Variants in PDE6C observed in about 807,000 individuals in gnomAD.
PDE6C encodes phosphodiesterase 6C, also known as cone cGMP-specific 3',5'-cyclic phosphodiesterase subunit alpha'.
Under a neutral mutation model 113.1 loss-of-function variants are expected in PDE6C, and 75 were observed. The observed-to-expected ratio is 0.66, with a 90% CI of 0.55 to 0.80. The LOEUF is 0.80. PDE6C is among the 30% of genes least tolerant of loss of function. The pLI is 0.00. For synonymous variants in PDE6C, 375 were observed against 363.7 expected (o/e 1.03, Z -0.35); for missense variants, 912 against 1,038.6 (o/e 0.88, Z 1.67).
chr10:93,612,655 T>G lies in PDE6C; in HGVS notation c.-71T>G. On this transcript the variant is annotated 5_prime_UTR_variant, in exon 1 of 22. Transcript: ENST00000371447. ...ATTTCCACCAGGATGAATTTCCTTCTCATCACTCTGCCTCAGGTAGTGCTC... is the reference window on the plus strand; with the variant it reads ...ATTTCCACCAGGATGAATTTCCTTCGCATCACTCTGCCTCAGGTAGTGCTC... 6.2e-7 allele frequency: 1 copy of G among 1,605,880 alleles called. No homozygotes were observed. The highest frequency in any genetic ancestry group is 8.5e-7 in the Non-Finnish European group (1 of 1,175,794).
chr10:93,634,934 G>A (rs2058520760), intron 9 of PDE6C, 27 bp downstream of exon 9: 1 of 1,611,856 alleles, frequency 6.2e-7, no homozygotes, highest in African/African-American at 1.3e-5. Context: ...GATAATGGAA[G>A]TCAATGCAAT....
At chr10:93,639,094 G>C (rs1321855929) in intron 11 of PDE6C, among the ~76,000 whole-genome samples, 2 of 152,146 alleles carry the variant, frequency 1.3e-5, no homozygotes, top group Non-Finnish European at 2.9e-5. Flanking sequence ...CTGCAGATCT[G>C]TCTGGTAGGC....
Position 93,655,916 on chromosome 10 carries a change from C to T in PDE6C, c.2036+56C>T, listed in dbSNP as rs894821311. 4.5e-6 allele frequency: 4 copies of T among 888,020 alleles called. No individual in the cohort carries two copies. In the African/African-American group the frequency reaches 6.6e-5, roughly 15 times the overall value. 55.0% of individuals were successfully genotyped at this position (888,020 alleles called of 1,614,324 possible). A position where few individuals can be genotyped will look rare whatever the true frequency, so the allele number is the denominator to read the frequency against. ...CCTATACTCTGTGTGGTTTTACCTT[C>T]CATAAATTATCTGTTGCATTAATGT... is the stretch of plus-strand genomic sequence containing the variant. On this transcript the variant is annotated intron_variant, in intron 16 of 21. Coordinates refer to ENST00000371447, the MANE Select transcript of PDE6C (RefSeq NM_006204.4).
chr10:93,654,772 T>C (rs553128427), intron 15 of PDE6C, among the ~76,000 whole-genome samples: 8 of 49,852 alleles, frequency 1.6e-4, no homozygotes, highest in African/African-American at 4.7e-4. Flanking sequence ...CTTTCTTTCT[T>C]TCTTTCTTTC....
At chr10:93,658,169 C>CAAAAAAAAAAAAAAAAAAAAAA (rs71031527) in intron 16 of PDE6C, among the ~76,000 whole-genome samples, 13 of 59,872 alleles carry the variant, frequency 2.2e-4, no homozygotes, top group East Asian at 4.2e-4. Flanking sequence ...GATTCTGTCT[C>CAAAAAAAAAAAAAAAAAAAAAA]AAAAAAAAAA....
intron 7 of PDE6C, 22 bp downstream of exon 7, chr10:93,626,893 A>G: frequency 1.3e-6 from 2 of 1,574,848 alleles, no homozygotes; most frequent in Non-Finnish European, 1.7e-6. Context: ...AACAAATTCA[A>G]ATTTTAAATA....
In PDE6C at chr10:93,612,881, G is replaced by A; in HGVS notation, c.156G>A (p.Glu52=). 1 of 1,614,140 alleles carries A rather than the reference G, an allele frequency of 6.2e-7. No individual in the cohort carries two copies. Residue 52 remains glutamate (E), a synonymous_variant, in exon 1 of 22, where the codon GAG becomes GAA. Transcript: ENST00000371447. ...VPVQSSMSFS[E]LTQVEESALC... ...TCCAGTCCAGCATGTCCTTCTCTGA[G>A]CTGACCCAGGTGGAGGAGTCAGCCC...
chr10:93,648,230 CTT>C (rs1367167957), intron 15 of PDE6C, among the ~76,000 whole-genome samples: 3 of 151,964 alleles, frequency 2.0e-5, no homozygotes, highest in East Asian at 3.9e-4. Flanking sequence ...TATATAAAGA[CTT>C]ATTATTCTTT....
At chr10:93,645,160 C>T (rs2058578562) in intron 14 of PDE6C, among the ~76,000 whole-genome samples, 1 of 151,796 alleles carries the variant, frequency 6.6e-6, no homozygotes, top group Non-Finnish European at 1.5e-5. Context: ...ATCTCTAATG[C>T]CAACACAGAG....
Position 93,659,149 on chromosome 10 carries a change from C to T in PDE6C, c.2190C>T (p.Pro730=). The T allele has an allele frequency of 1.2e-6, 2 of 1,610,758 alleles. No individual in the cohort carries two copies. The highest frequency in any genetic ancestry group is 1.7e-6 in the Non-Finnish European group (2 of 1,178,862). ...TACDLSAITK[P]WEVQSQVALM... is the part of the protein sequence containing the mutation. ...GTGACTTGTCTGCTATTACCAAGCC[C>T]TGGGAGGTGCAAAGTCAGGTGAGTC... Residue 730 remains proline (P), a synonymous_variant, in exon 18 of 22, where the codon CCC becomes CCT. Coordinates refer to ENST00000371447, the MANE Select transcript of PDE6C (RefSeq NM_006204.4).
At position 93,665,976 on chromosome 10, in the gene PDE6C, T is replaced by C. The variant is rs1281557667; in HGVS notation, c.*558T>C. 1 of 157,218 alleles carries C rather than the reference T, an allele frequency of 6.4e-6. No individual in the cohort carries two copies. The highest frequency in any genetic ancestry group is 1.4e-5 in the Non-Finnish European group (1 of 71,476). The allele number at this position is 157,218 out of a possible 1,614,324, so 9.7% of individuals were successfully genotyped here. ...ATTAGGGCCTACCCATGTGACCTCA[T>C]TTTAGTCTTAATTACCTCGTTAATG... On this transcript the variant is annotated 3_prime_UTR_variant, in exon 22 of 22. Transcript: ENST00000371447.
Position 93,665,371 on chromosome 10 carries a change from T to G in PDE6C, c.2530T>G (p.Ser844Ala), listed in dbSNP as rs1178923344. Residue 844 changes from serine to alanine, a missense_variant, in exon 22 of 22, where the codon TCA becomes GCA. Ser to Ala is a moderately conservative substitution (Grantham distance 99, BLOSUM62 1). Transcript: ENST00000371447. ...CTTGATTTTACTAGCTGCTGAAGAT[T>G]CAGGAGGTGGTGATGACAAAAAGTC... ...EGGAEKAAED[S>A]GGGDDKKSKT... is the part of the protein sequence containing the mutation. The G allele has an allele frequency of 2.5e-6, 4 of 1,610,074 alleles. No individual in the cohort carries two copies. The Admixed American group carries it at 5.0e-5, about 20-fold the overall frequency.
chr10:93,655,733 AT>A (rs1326605866), intron 15 of PDE6C, 26 bp from the exon 16 acceptor site: 5 of 1,162,302 alleles, frequency 4.3e-6, no homozygotes, highest in Admixed American at 1.7e-5. Context: ...TATTGATAGC[AT>A]TTTATTGTGA....
chr10:93,665,284 T>C, intron 21 of PDE6C, 76 bp from the exon 22 acceptor site: 2 of 1,084,980 alleles, frequency 1.8e-6, no homozygotes, highest in Non-Finnish European at 2.9e-6. Context: ...TTGACACTAC[T>C]ATCATGGGAA....
chr10:93,646,234 G>C (rs1027909934), intron 15 of PDE6C, among the ~76,000 whole-genome samples, 187 bp downstream of exon 15: 2 of 152,168 alleles, frequency 1.3e-5, no homozygotes, highest in African/African-American at 4.8e-5. Context: ...AAGTAGCTGA[G>C]ACAGGTGAAG....
intron 3 of PDE6C, 82 bp from the exon 4 acceptor site, chr10:93,621,850 C>G (rs1190788365): frequency 7.9e-7 from 1 of 1,269,358 alleles, no homozygotes; most frequent in East Asian, 2.3e-5. Flanking sequence ...TTTGATGCAC[C>G]TCATGTTTTC....
intron 9 of PDE6C, 146 bp from the exon 10 acceptor site, chr10:93,635,351 T>A: frequency 1.5e-6 from 1 of 660,916 alleles, no homozygotes. Flanking sequence ...CTGAAGCTGA[T>A]TATTAGTATG....
chr10:93,630,948 G>C (rs543109311), intron 8 of PDE6C, among the ~76,000 whole-genome samples: 17 of 152,334 alleles, frequency 1.1e-4, no homozygotes, highest in African/African-American at 4.1e-4. Context: ...GTGGATGTCA[G>C]AATAGGATGC....
intron 16 of PDE6C, among the ~76,000 whole-genome samples, chr10:93,658,044 C>A (rs2058647055): frequency 6.6e-6 from 1 of 151,476 alleles, no homozygotes; most frequent in Non-Finnish European, 1.5e-5. Flanking sequence ...CTGGAGCATG[C>A]CTGTAGTCCC....
Sources: allele counts gnomAD v4.1 joint callset (sites outside exome capture counted in the v4.1 genomes callset), GRCh38; gene constraint gnomAD v4.1.1; transcripts MANE v1.5; gene names NCBI Gene and HGNC (gene_info 2026-07-23, HGNC 2026-07-21).